PTPRN2: variants seen among roughly 807,000 people sequenced by gnomAD.
PTPRN2 encodes the protein receptor-type tyrosine-protein phosphatase N2.
A neutral mutation model predicts 118.8 loss-of-function variants in PTPRN2; 74 were observed. That is an observed-to-expected ratio of 0.62 (90% confidence interval 0.52 to 0.76). The LOEUF is 0.76. Among genes scored for constraint, PTPRN2 ranks in the 30% least tolerant of loss-of-function variants. The probability of loss-of-function intolerance (pLI) is 0.00; values close to 1 mark genes in which losing one functional copy is unlikely to be tolerated. For missense variants in PTPRN2, 1,481 were observed against 1,394.4 expected (o/e 1.06, Z -0.99); for synonymous variants, 641 against 608.0 (o/e 1.05, Z -0.80).
chr7:158,354,651 A>G (rs943230419), intron 2 of PTPRN2, among the ~76,000 whole-genome samples: 3 of 152,210 alleles, frequency 2.0e-5, no homozygotes, highest in Non-Finnish European at 4.4e-5. Context: ...AAAAGAACAA[A>G]GAATGAAAGA....
intron 6 of PTPRN2, among the ~76,000 whole-genome samples, chr7:158,141,408 C>T (rs1463041168): frequency 6.6e-6 from 1 of 152,156 alleles, no homozygotes; most frequent in African/African-American, 2.4e-5. Context: ...GCCGAGGCAG[C>T]GGGGCCGGCA....
At chr7:158,447,262 C>T (rs1217071283) in intron 2 of PTPRN2, among the ~76,000 whole-genome samples, 11 of 152,174 alleles carry the variant, frequency 7.2e-5, no homozygotes, top group East Asian at 5.8e-4. Flanking sequence ...TAAGCAAAAG[C>T]GTGGATGTAT....
At chr7:158,108,167 G>A (rs929907746) in intron 10 of PTPRN2, among the ~76,000 whole-genome samples, 1 of 151,000 alleles carries the variant, frequency 6.6e-6, no homozygotes, top group African/African-American at 2.4e-5. Flanking sequence ...CTGGATGTCT[G>A]CATGAGCCTG....
intron 6 of PTPRN2, among the ~76,000 whole-genome samples, chr7:158,142,539 A>T (rs1227954732): frequency 6.6e-6 from 1 of 152,196 alleles, no homozygotes; most frequent in East Asian, 1.9e-4. Context: ...AGGGAAACGC[A>T]GGGATTGGCA....
At chr7:158,541,560 A>C (rs756257282) in intron 1 of PTPRN2, 1 of 1,352,120 alleles carries the variant, frequency 7.4e-7, no homozygotes, top group Non-Finnish European at 9.8e-7. Context: ...CATAGTAGGA[A>C]AGCTGGCTTC....
chr7:157,554,797 G>A (rs1798798395), intron 21 of PTPRN2, among the ~76,000 whole-genome samples: 1 of 152,266 alleles, frequency 6.6e-6, no homozygotes, highest in Non-Finnish European at 1.5e-5. Context: ...CCACGGAGAA[G>A]TCCCAGGCGT....
intron 11 of PTPRN2, among the ~76,000 whole-genome samples, chr7:157,934,013 C>T (rs947988692): frequency 6.6e-6 from 1 of 152,170 alleles, no homozygotes; most frequent in African/African-American, 2.4e-5. Flanking sequence ...CACCATGCTC[C>T]TTGGCTGGTA....
intron 11 of PTPRN2, among the ~76,000 whole-genome samples, chr7:157,918,764 C>T (rs1331511011): frequency 1.3e-5 from 2 of 152,166 alleles, no homozygotes; most frequent in Admixed American, 1.3e-4. Flanking sequence ...GGTTAATGAA[C>T]TGGTGTGTGC....
At chr7:158,392,389 C>G (rs912368990) in intron 2 of PTPRN2, among the ~76,000 whole-genome samples, 3 of 152,308 alleles carry the variant, frequency 2.0e-5, no homozygotes, top group Non-Finnish European at 2.9e-5. Context: ...CCCAAGTGTT[C>G]TGTCCATGCG....
At chr7:158,064,752 A>T (rs1810626854) in intron 11 of PTPRN2, among the ~76,000 whole-genome samples, 1 of 152,066 alleles carries the variant, frequency 6.6e-6, no homozygotes, top group African/African-American at 2.4e-5. Flanking sequence ...GGGAAGAGAA[A>T]GGGTCACCCT....
At chr7:158,121,073 C>T (rs1211695328) in intron 9 of PTPRN2, among the ~76,000 whole-genome samples, 1 of 152,160 alleles carries the variant, frequency 6.6e-6, no homozygotes, top group African/African-American at 2.4e-5. Flanking sequence ...TTCCTTCCTC[C>T]CGGCTCCTGT....
chr7:158,139,360 TA>T (rs1819153964), intron 6 of PTPRN2, among the ~76,000 whole-genome samples: 1 of 152,080 alleles, frequency 6.6e-6, no homozygotes, highest in South Asian at 2.1e-4. Context: ...CGGGTGGACA[TA>T]ACGGAAGAAA....
At chr7:158,151,517 C>CAT (rs1821149200) in intron 6 of PTPRN2, among the ~76,000 whole-genome samples, 4 of 148,552 alleles carry the variant, frequency 2.7e-5, no homozygotes, top group South Asian at 2.1e-4. Context: ...CTGCTCCTCA[C>CAT]CGCACGTCCT....
At chr7:158,065,661 T>G (rs1159799491) in intron 11 of PTPRN2, among the ~76,000 whole-genome samples, 1 of 152,190 alleles carries the variant, frequency 6.6e-6, no homozygotes, top group Non-Finnish European at 1.5e-5. Flanking sequence ...CAGCGGATAA[T>G]GAGTTGAGTT....
At chr7:158,071,780 T>TGTGGTGGTGGAGGTGCTC (rs1811847843) in intron 11 of PTPRN2, among the ~76,000 whole-genome samples, 4 of 73,324 alleles carry the variant, frequency 5.5e-5, no homozygotes, top group African/African-American at 3.3e-4. Flanking sequence ...TGGAGGTGCT[T>TGTGGTGGTGGAGGTGCTC]GTGGTGGTGG....
At position 158,054,025 on chromosome 7, in the gene PTPRN2, T is replaced by TCCAGAGATGCAGAGACC. The variant is rs1417304240; in HGVS notation, c.1723+27256_1723+27272dup. Among the ~76,000 whole-genome samples the TCCAGAGATGCAGAGACC allele has an allele frequency of 2.1e-4, 19 of 89,216 alleles. 1 individual carries two copies. Among genetic ancestry groups the TCCAGAGATGCAGAGACC allele is most frequent in the South Asian group, 6.7e-4 (2 of 2,998 alleles). 58.5% of individuals were successfully genotyped at this position (89,216 alleles called of 152,430 possible). A position where few individuals can be genotyped will look rare whatever the true frequency, so the allele number is the denominator to read the frequency against. On this transcript the variant is annotated intron_variant, in intron 11 of 22. Transcript: ENST00000389418. Reference sequence around the variant, plus strand: ...GCAGAGACCCTAGAGACGCAGAGACTCCAGAGATGCAGAGACCCCAGAGAT... The same window carrying TCCAGAGATGCAGAGACC: ...GCAGAGACCCTAGAGACGCAGAGACTCCAGAGATGCAGAGACCCCAGAGATGCAGAGACCCCAGAGAT...
chr7:158,468,261 T>A (rs901573473), intron 2 of PTPRN2, among the ~76,000 whole-genome samples: 2 of 152,258 alleles, frequency 1.3e-5, no homozygotes, highest in African/African-American at 4.8e-5. Context: ...ATGCTAATTA[T>A]GTTTTTGCTA....
At position 158,359,926 on chromosome 7, in the gene PTPRN2, G is replaced by C. The variant is rs1230331174; in HGVS notation, c.164-42994C>G. The stretch of plus-strand genomic sequence containing the variant: ...CCTAACACTGGAGATGTCAGCTGTG[G>C]AGAGTGAGAAGACAAGCCCCTCAGT... On this transcript the variant is annotated intron_variant, in intron 2 of 22. Transcript: ENST00000389418. Among the ~76,000 whole-genome samples the C allele has an allele frequency of 3.3e-5, 5 of 152,058 alleles. No individual in the cohort carries two copies. In the East Asian group the frequency reaches 9.6e-4, roughly 29 times the overall value.
chr7:158,244,246 C>CAGGAAA (rs57031212), intron 3 of PTPRN2, among the ~76,000 whole-genome samples: 120,027 of 151,584 alleles, frequency 0.79, 47,788 homozygotes, highest in African/African-American at 0.86. Flanking sequence ...CTCAGAAGTG[C>CAGGAAA]AGGAAACTGA....
Sources: allele counts gnomAD v4.1 joint callset (sites outside exome capture counted in the v4.1 genomes callset), GRCh38; gene constraint gnomAD v4.1.1; transcripts MANE v1.5; gene names NCBI Gene and HGNC (gene_info 2026-07-23, HGNC 2026-07-21).